The following TRAK1 variants were observed in gnomAD, a reference collection of about 807,000 sequenced individuals.
TRAK1 encodes trafficking kinesin protein 1, also known as trafficking kinesin-binding protein 1.
In TRAK1, 33 loss-of-function variants were observed where a neutral mutation model predicts 92.1. The observed-to-expected ratio is 0.36, with a 90% CI of 0.27 to 0.48. TRAK1 has a LOEUF of 0.48. TRAK1 is among the 20% of genes least tolerant of loss of function. The pLI is 0.99. For synonymous variants in TRAK1, 521 were observed against 517.3 expected, an observed-to-expected ratio of 1.01 and a Z score of -0.10; for missense variants, 1,123 against 1,257.9, an observed-to-expected ratio of 0.89 and a Z score of 1.62.
At chr3:42,183,819 C>T (rs1463112295) in intron 3 of TRAK1, among the ~76,000 whole-genome samples, 2 of 152,200 alleles carry the variant, frequency 1.3e-5, no homozygotes, top group Non-Finnish European at 2.9e-5. Context: ...CAAGTTGAAT[C>T]TGACTGGTAG....
chr3:42,188,224 A>T lies in TRAK1; in HGVS notation c.581+79A>T, dbSNP rs562377946. 843 of 1,363,516 alleles carry T rather than the reference A, an allele frequency of 6.2e-4. 1 individual carries two copies. Among genetic ancestry groups the T allele is most frequent in the Non-Finnish European group, 8.6e-4 (824 of 953,520 alleles). The allele number at this position is 1,363,516 out of a possible 1,614,324, so 84.5% of individuals were successfully genotyped here. On this transcript the variant is annotated intron_variant, in intron 5 of 15. Transcript: ENST00000327628. ...TTGATGTCCTTGGAGTCACCTAGAC[A>T]GGGTCACCTTCAGCAGCAATGGAGG...
intron 1 of TRAK1, among the ~76,000 whole-genome samples, chr3:42,024,821 C>T (rs2683700): frequency 0.9 from 137,297 of 152,192 alleles, 63,672 homozygotes; most frequent in East Asian, 1. Flanking sequence ...AAACCCCATA[C>T]GTCTTACCAT....
At position 42,079,474 on chromosome 3, in the gene TRAK1, CTTCT is replaced by C. The variant is rs1375816218; in HGVS notation, c.-518-7627_-518-7624del. The stretch of plus-strand genomic sequence containing the variant: ...GAGTTTGTCGTGAAGGAAGCTCCTT[CTTCT>C]TTTTTTTTTTTTTTTGTTTTGAGAT... On this transcript the variant is annotated intron_variant, in intron 1 of 16. Transcript: ENST00000487159. 1.2e-3 allele frequency among the ~76,000 whole-genome samples: 160 copies of C among 133,980 alleles called. 4 individuals are homozygous for C. The highest frequency in any genetic ancestry group is 4.0e-3 in the African/African-American group (147 of 36,566). The allele number at this position is 133,980 out of a possible 152,430, so 87.9% of individuals were successfully genotyped here. A position where few individuals can be genotyped will look rare whatever the true frequency, so the allele number is the denominator to read the frequency against.
intron 1 of TRAK1, among the ~76,000 whole-genome samples, chr3:42,041,927 G>T (rs1465029817): frequency 6.6e-6 from 1 of 151,876 alleles, no homozygotes; most frequent in African/African-American, 2.4e-5. Flanking sequence ...CCTGAGTCTG[G>T]GATTGCAGGC....
At chr3:42,184,661 T>C in intron 3 of TRAK1, 24 bp from the exon 4 acceptor site, 1 of 1,610,574 alleles carries the variant, frequency 6.2e-7, no homozygotes, top group Admixed American at 1.7e-5. Context: ...TTTGAATCTC[T>C]GTTCTCCCTC....
intron 1 of TRAK1, among the ~76,000 whole-genome samples, chr3:42,050,812 C>T (rs538631659): frequency 4.4e-4 from 67 of 152,166 alleles, no homozygotes; most frequent in African/African-American, 1.5e-3. Flanking sequence ...CCTGTGCCAC[C>T]GCGCCCAGCT....
intron 1 of TRAK1, among the ~76,000 whole-genome samples, chr3:42,103,064 G>C (rs1216727426): frequency 6.6e-6 from 1 of 152,078 alleles, no homozygotes; most frequent in Non-Finnish European, 1.5e-5. Context: ...CAGTTCAGTT[G>C]GTGAATCTGT....
At chr3:42,208,107 C>T (rs911759039) in intron 13 of TRAK1, among the ~76,000 whole-genome samples, 2 of 152,180 alleles carry the variant, frequency 1.3e-5, no homozygotes, top group Non-Finnish European at 2.9e-5. Flanking sequence ...TGCATCTTAG[C>T]ACCTAGTGAG....
chr3:42,171,628 C>G (rs17287204), intron 2 of TRAK1, among the ~76,000 whole-genome samples: 23,857 of 152,118 alleles, frequency 0.16, 2,126 homozygotes, highest in Non-Finnish European at 0.21. Flanking sequence ...CCACTTCTCC[C>G]GGCTCATTCA....
chr3:42,027,259 C>T (rs550409245), intron 1 of TRAK1, among the ~76,000 whole-genome samples: 1 of 152,260 alleles, frequency 6.6e-6, no homozygotes, highest in African/African-American at 2.4e-5. Flanking sequence ...CGTGGTGGCT[C>T]ACGCCTGTAA....
At chr3:42,080,678 A>G (rs1021413769) in intron 1 of TRAK1, among the ~76,000 whole-genome samples, 3 of 152,006 alleles carry the variant, frequency 2.0e-5, no homozygotes, top group African/African-American at 7.3e-5. Flanking sequence ...ATTAGAGTGA[A>G]GTTAGGCTGG....
chr3:42,102,135 A>G (rs1291831012), intron 1 of TRAK1, among the ~76,000 whole-genome samples: 2 of 152,096 alleles, frequency 1.3e-5, no homozygotes, highest in Non-Finnish European at 2.9e-5. Flanking sequence ...ACAGGCGCAC[A>G]CCACCATGCC....
chr3:42,022,737 A>AAC (rs1553700068), intron 1 of TRAK1, among the ~76,000 whole-genome samples: 1 of 150,444 alleles, frequency 6.6e-6, no homozygotes, highest in Non-Finnish European at 1.5e-5. Context: ...AAAAAAAACA[A>AAC]AAACAAAAAA....
rs574463083 is a variant in TRAK1, at chr3:42,064,332, C to T, written c.-518-22772C>T. On this transcript the variant is annotated intron_variant, in intron 1 of 16. Transcript: ENST00000487159. ...TACAAAAATTAGCCAGTCTTATAAC[C>T]CGGTCTCAAATGAATAAATAAATAG... Among the ~76,000 whole-genome samples the T allele has an allele frequency of 9.3e-5, 14 of 150,410 alleles. No individual in the cohort carries two copies. In the East Asian group the frequency reaches 2.7e-3, roughly 29 times the overall value.
In TRAK1 at chr3:42,138,987, G is replaced by A. The variant is rs141218368; in HGVS notation, c.286+13373G>A. Among the ~76,000 whole-genome samples, 971 of 151,536 alleles carry A rather than the reference G, an allele frequency of 6.4e-3. 9 individuals carry two copies. The highest frequency in any genetic ancestry group is 7.5e-3 in the Non-Finnish European group (509 of 67,930). On this transcript the variant is annotated intron_variant, in intron 2 of 15. Transcript: ENST00000327628. ...GTTGTCACCTAGACGTGTGCGTGGT[G>A]AGGCAGGGTTGAATGAAGGAAGGAA...
upstream of TRAK1, among the ~76,000 whole-genome samples, chr3:42,082,755 C>A (rs144716840): frequency 6.6e-6 from 1 of 152,026 alleles, no homozygotes; most frequent in Non-Finnish European, 1.5e-5. Flanking sequence ...GAAAGTATTT[C>A]CAACTTCTGT....
At chr3:42,025,548 G>GA (rs1460988922) in intron 1 of TRAK1, among the ~76,000 whole-genome samples, 1 of 152,170 alleles carries the variant, frequency 6.6e-6, no homozygotes, top group Non-Finnish European at 1.5e-5. Context: ...TTCAAAGGGA[G>GA]AGGGGAAGGA....
intron 14 of TRAK1, chr3:42,217,632 T>C: frequency 2.0e-6 from 2 of 985,476 alleles, no homozygotes; most frequent in Non-Finnish European, 2.4e-6. Context: ...CTTCTGATTT[T>C]AAATCCAGCC....
chr3:42,086,058 T>C (rs1464939198), upstream of TRAK1, among the ~76,000 whole-genome samples: 1 of 152,208 alleles, frequency 6.6e-6, no homozygotes, highest in Non-Finnish European at 1.5e-5. Flanking sequence ...TAGGTTTCCT[T>C]TTTCATTAAG....
Sources: allele counts gnomAD v4.1 joint callset (sites outside exome capture counted in the v4.1 genomes callset), GRCh38; gene constraint gnomAD v4.1.1; transcripts MANE v1.5; gene names NCBI Gene and HGNC (gene_info 2026-07-23, HGNC 2026-07-21).